GMEB1: variants seen among roughly 807,000 people sequenced by gnomAD.
The protein encoded by GMEB1 is glucocorticoid modulatory element binding protein 1.
Under a neutral mutation model 52.4 loss-of-function variants are expected in GMEB1, and 6 were observed. That is an observed-to-expected ratio of 0.11 (90% CI 0.06 to 0.23). GMEB1 has a LOEUF of 0.23. GMEB1 is among the 10% of genes least tolerant of loss of function. The probability of loss-of-function intolerance (pLI) is 1.00; values close to 1 mark genes in which losing one functional copy is unlikely to be tolerated. For synonymous variants in GMEB1, 255 were observed against 244.9 expected (o/e 1.04, Z -0.38); for missense variants, 486 against 685.6 (o/e 0.71, Z 3.25).
intron 1 of GMEB1, among the ~76,000 whole-genome samples, chr1:28,676,599 G>T (rs1041141519): frequency 6.6e-6 from 1 of 152,016 alleles, no homozygotes; most frequent in African/African-American, 2.4e-5. Context: ...GGTGGCAGGC[G>T]CCTGTAGTCT....
chr1:28,700,684 C>CA (rs760383155), intron 6 of GMEB1, among the ~76,000 whole-genome samples: 5,843 of 103,966 alleles, frequency 0.056, 366 homozygotes, highest in African/African-American at 0.19. Context: ...GACTCTGTCT[C>CA]AAAAAAAAAA....
chr1:28,696,029 A>G (rs1215650980), intron 5 of GMEB1, among the ~76,000 whole-genome samples: 1 of 144,020 alleles, frequency 6.9e-6, no homozygotes, highest in East Asian at 2.1e-4. Context: ...GGGAAGGAAT[A>G]TCTTTATTTT....
chr1:28,702,737 T>C (rs1278709763), intron 7 of GMEB1, among the ~76,000 whole-genome samples, 168 bp downstream of exon 7: 1 of 152,130 alleles, frequency 6.6e-6, no homozygotes, highest in Non-Finnish European at 1.5e-5. Context: ...TAGCCCTGCA[T>C]AGTCACATTT....
rs186191927 is a variant in GMEB1 at position 28,717,129 on chromosome 1, C to T, written c.*2356C>T. ...TCGAGCAAGTAAAAGTTGCATTCTCCATCCCTCAGATGGCTGTATGTAGTC... is the reference window on the plus strand; with the variant it reads ...TCGAGCAAGTAAAAGTTGCATTCTCTATCCCTCAGATGGCTGTATGTAGTC... On this transcript the variant is annotated 3_prime_UTR_variant, in exon 10 of 10. Coordinates refer to ENST00000373816, the MANE Select transcript of GMEB1 (RefSeq NM_001319674.2). The T allele has an allele frequency of 3.2e-4, 48 of 151,524 alleles. No individual in the cohort carries two copies. The highest frequency in any genetic ancestry group is 1.1e-3 in the African/African-American group (45 of 41,378). The allele number at this position is 151,524 out of a possible 1,614,324, so 9.4% of individuals were successfully genotyped here.
At chr1:28,705,655 T>A (rs1484411120) in intron 8 of GMEB1, among the ~76,000 whole-genome samples, 1 of 150,418 alleles carries the variant, frequency 6.6e-6, no homozygotes, top group Non-Finnish European at 1.5e-5. Context: ...TTCACCATGT[T>A]GGCCAGGCTG....
At chr1:28,695,306 C>T (rs1670150201) in intron 5 of GMEB1, among the ~76,000 whole-genome samples, 1 of 151,752 alleles carries the variant, frequency 6.6e-6, no homozygotes, top group African/African-American at 2.4e-5. Flanking sequence ...GATCTCGGCT[C>T]ACTGCAAACT....
chr1:28,710,434 G>A (rs1205246090), intron 8 of GMEB1, 86 bp from the exon 9 acceptor site: 1 of 1,038,296 alleles, frequency 9.6e-7, no homozygotes. Flanking sequence ...ATAATTTCTG[G>A]TTGTTTCATA....
chr1:28,693,621 A>G (rs1405640451), intron 5 of GMEB1, among the ~76,000 whole-genome samples: 4 of 150,916 alleles, frequency 2.7e-5, no homozygotes, highest in Non-Finnish European at 4.4e-5. Context: ...GGTTCAAGCA[A>G]TTGTAGTTTT....
intron 5 of GMEB1, among the ~76,000 whole-genome samples, chr1:28,696,616 T>C (rs1670221732): frequency 6.6e-6 from 1 of 152,122 alleles, no homozygotes; most frequent in Non-Finnish European, 1.5e-5. Flanking sequence ...ATAGTGAACT[T>C]TTTTCTGTAT....
intron 8 of GMEB1, among the ~76,000 whole-genome samples, chr1:28,709,769 T>A (rs1335167639): frequency 6.6e-6 from 1 of 151,958 alleles, no homozygotes; most frequent in Non-Finnish European, 1.5e-5. Context: ...TTATTTATGA[T>A]TATTATTATT....
intron 1 of GMEB1, among the ~76,000 whole-genome samples, chr1:28,675,471 GAGTT>G (rs1669108068): frequency 6.6e-6 from 1 of 151,816 alleles, no homozygotes; most frequent in Non-Finnish European, 1.5e-5. Context: ...TTGAGACCAG[GAGTT>G]CTGACACCAG....
rs892682993 is a variant in GMEB1, at chr1:28,717,089, A to G, written c.*2316A>G. On this transcript the variant is annotated 3_prime_UTR_variant, in exon 10 of 10. Coordinates refer to ENST00000373816, the MANE Select transcript of GMEB1 (RefSeq NM_001319674.2). ...TCAGAAGCCATGTTTCTTCCAACAG[A>G]TGTTGGAAACCCCATCGAGCAAGTA... The G allele has an allele frequency of 6.6e-6, 1 of 151,448 alleles. No individual in the cohort carries two copies. Among genetic ancestry groups the G allele is most frequent in the African/African-American group, 2.4e-5 (1 of 41,196 alleles). 9.4% of individuals were successfully genotyped at this position (151,448 alleles called of 1,614,324 possible).
chr1:28,708,947 C>T (rs1025839290), intron 8 of GMEB1, among the ~76,000 whole-genome samples: 36 of 152,042 alleles, frequency 2.4e-4, no homozygotes, highest in African/African-American at 5.5e-4. Flanking sequence ...CTGGCTAACA[C>T]GGTGAAACCC....
chr1:28,682,935 C>T (rs1669462018), intron 1 of GMEB1, among the ~76,000 whole-genome samples: 1 of 152,134 alleles, frequency 6.6e-6, no homozygotes. Flanking sequence ...CGCCCAGCAT[C>T]GCTGATTTCA....
upstream of GMEB1, among the ~76,000 whole-genome samples, chr1:28,668,542 T>A (rs1473319985): frequency 6.6e-6 from 1 of 152,074 alleles, no homozygotes; most frequent in African/African-American, 2.4e-5. Flanking sequence ...ATTTTCCTCA[T>A]CTATGAGTGC....
At chr1:28,680,284 T>G (rs1487273404) in intron 1 of GMEB1, among the ~76,000 whole-genome samples, 1 of 152,176 alleles carries the variant, frequency 6.6e-6, no homozygotes, top group Non-Finnish European at 1.5e-5. Context: ...AGTCACTAAT[T>G]GGACAAAAAT....
At chr1:28,668,399 T>TG (rs964378248), upstream of GMEB1, among the ~76,000 whole-genome samples, 1 of 152,024 alleles carries the variant, frequency 6.6e-6, no homozygotes, top group Non-Finnish European at 1.5e-5. Context: ...GATTGTAACT[T>TG]GAAGGGTCCG....
rs573485505 is a variant in GMEB1, at chr1:28,682,013, C to A, written c.-30-1570C>A. On this transcript the variant is annotated intron_variant, in intron 1 of 9. Transcript: ENST00000373816. ...GCCACCACGCACGGCCCTGACTACA[C>A]GTTTTGTACTCAAACTTGCATCCAT... 2.5e-3 allele frequency among the ~76,000 whole-genome samples: 376 copies of A among 152,000 alleles called. 2 individuals are homozygous for A. Among genetic ancestry groups the A allele is most frequent in the African/African-American group, 8.6e-3 (358 of 41,500 alleles).
At position 28,714,569 on chromosome 1, in the gene GMEB1, G is replaced by T; in HGVS notation, c.1488G>T (p.Ser496=). Residue 496 remains serine (S), a synonymous_variant, in exon 10 of 10, where the codon TCG becomes TCT. Coordinates refer to ENST00000373816, the MANE Select transcript of GMEB1 (RefSeq NM_001319674.2). ...ELVAMESGLT[S]AIQAVESTSE... ...TGGCCATGGAGTCCGGCCTAACCTC[G>T]GCAATTCAGGCTGTTGAAAGCACCT... The T allele has an allele frequency of 6.2e-7, 1 of 1,614,094 alleles. No individual in the cohort carries two copies. The highest frequency in any genetic ancestry group is 8.5e-7 in the Non-Finnish European group (1 of 1,180,032).
Sources: gnomAD v4.1 joint callset for allele counts (sites outside exome capture counted in the v4.1 genomes callset) on GRCh38, gnomAD v4.1.1 for gene constraint, MANE v1.5 for transcripts, NCBI Gene and HGNC (gene_info 2026-07-23, HGNC 2026-07-21) for gene names.